The following PTPRQ variants were observed in gnomAD, a reference collection of about 807,000 sequenced individuals.
The protein encoded by PTPRQ is protein tyrosine phosphatase receptor type Q.
In PTPRQ, 199 loss-of-function variants were observed where a neutral mutation model predicts 246.0. The observed-to-expected ratio is 0.81, with a 90% confidence interval of 0.72 to 0.91. PTPRQ has a LOEUF of 0.91. Among genes scored for constraint, PTPRQ ranks in the 40% least tolerant of loss-of-function variants. The pLI is 0.00. For synonymous variants in PTPRQ, 869 were observed against 853.2 expected, an observed-to-expected ratio of 1.02 and a Z score of -0.32; for missense variants, 2,624 against 2,528.4, an observed-to-expected ratio of 1.04 and a Z score of -0.81.
chr12:80,591,982 A>G (rs144216843), intron 26 of PTPRQ, among the ~76,000 whole-genome samples: 2 of 152,342 alleles, frequency 1.3e-5, no homozygotes, highest in Non-Finnish European at 2.9e-5. Context: ...TGATCAGTTC[A>G]GAAGTTGGTA....
Position 80,658,027 on chromosome 12 carries a change from C to A in PTPRQ, c.6158C>A (p.Pro2053Gln). Residue 2053 changes from proline to glutamine, a missense_variant, in exon 39 of 45, where the codon CCA (proline) becomes CAA (glutamine). Transcript: ENST00000644991. ...RVKLIADASV[P>Q]GSDYINASYI... ...AAGCTGATAGCTGACGCTAGTGTTCCAGGTTCGGATTATATTAATGCCAGC... is the reference window on the plus strand; with the variant it reads ...AAGCTGATAGCTGACGCTAGTGTTCAAGGTTCGGATTATATTAATGCCAGC... 6.9e-7 allele frequency: 1 copy of A among 1,439,116 alleles called. No individual in the cohort carries two copies. The highest frequency in any genetic ancestry group is 9.1e-7 in the Non-Finnish European group (1 of 1,092,916). 89.1% of individuals were successfully genotyped at this position (1,439,116 alleles called of 1,614,324 possible).
intron 25 of PTPRQ, among the ~76,000 whole-genome samples, chr12:80,556,064 G>A (rs1462626236): frequency 1.3e-5 from 2 of 152,130 alleles, no homozygotes; most frequent in Admixed American, 6.5e-5. Flanking sequence ...GTCTTGCTCT[G>A]TTGTCCAGGT....
intron 17 of PTPRQ, among the ~76,000 whole-genome samples, chr12:80,517,875 G>C (rs1433646659): frequency 1.3e-5 from 2 of 152,064 alleles, no homozygotes; most frequent in African/African-American, 4.8e-5. Context: ...TCTTTATCGA[G>C]TCAACCATTG....
chr12:80,639,586 C>T (rs1463545269), intron 35 of PTPRQ, among the ~76,000 whole-genome samples: 1 of 152,104 alleles, frequency 6.6e-6, no homozygotes, highest in African/African-American at 2.4e-5. Flanking sequence ...AAGTCTTCTT[C>T]AATAATTTTC....
At position 80,472,061 on chromosome 12, in the gene PTPRQ, C is replaced by T. The variant is rs73345986; in HGVS notation, c.1040-44C>T. 2.3e-3 allele frequency: 3,582 copies of T among 1,548,982 alleles called. 85 individuals are homozygous for T. The African/African-American group carries it at 0.042, about 18-fold the overall frequency. ...GTACTTAAATGTGAACATGATTGCA[C>T]GCTTGATAAAAAATAATCCATAGCT... On this transcript the variant is annotated intron_variant, in intron 7 of 44. Transcript: ENST00000644991.
chr12:80,555,336 G>A (rs541819745), intron 25 of PTPRQ, among the ~76,000 whole-genome samples: 1 of 152,222 alleles, frequency 6.6e-6, no homozygotes, highest in South Asian at 2.1e-4. Context: ...TGGGATTACA[G>A]GCATGAGCCA....
intron 17 of PTPRQ, among the ~76,000 whole-genome samples, chr12:80,531,483 G>A (rs1895841783): frequency 6.6e-6 from 1 of 152,128 alleles, no homozygotes; most frequent in African/African-American, 2.4e-5. Context: ...TTTGCTCAAA[G>A]GGAGTGAACA....
Position 80,534,192 on chromosome 12 carries a change from T to C in PTPRQ, c.2839+17T>C. The C allele has an allele frequency of 1.4e-6, 2 of 1,463,232 alleles. No individual in the cohort carries two copies. Among genetic ancestry groups the C allele is most frequent in the East Asian group, 5.2e-5 (2 of 38,308 alleles). The allele number at this position is 1,463,232 out of a possible 1,614,324, so 90.6% of individuals were successfully genotyped here. A position where few individuals can be genotyped will look rare whatever the true frequency, so the allele number is the denominator to read the frequency against. The stretch of plus-strand genomic sequence containing the variant: ...CAGAGGGAGGTGAGTTAAGGATGTA[T>C]GCCAATTAAAAGAATGTTCTTTTTC... On this transcript the variant is annotated intron_variant, in intron 18 of 44. Coordinates refer to ENST00000644991, the MANE Select transcript of PTPRQ (RefSeq NM_001145026.2).
At chr12:80,635,231 C>T (rs957237664) in intron 35 of PTPRQ, among the ~76,000 whole-genome samples, 158 bp downstream of exon 35, 1 of 152,214 alleles carries the variant, frequency 6.6e-6, no homozygotes, top group Non-Finnish European at 1.5e-5. Context: ...ACACTTCTCA[C>T]TGCTGTTCAG....
intron 14 of PTPRQ, among the ~76,000 whole-genome samples, chr12:80,500,046 C>T (rs369992931): frequency 4.9e-4 from 75 of 151,994 alleles, no homozygotes; most frequent in African/African-American, 1.3e-3. Context: ...TAGATGTTGA[C>T]CAAAATTTTG....
intron 8 of PTPRQ, among the ~76,000 whole-genome samples, chr12:80,475,326 TTTTGAAG>T (rs1335282858): frequency 1.2e-4 from 18 of 152,220 alleles, no homozygotes; most frequent in African/African-American, 4.3e-4. Context: ...GCAGCATTAA[TTTTGAAG>T]TTGGAGAAAA....
At chr12:80,526,623 C>G (rs139823640) in intron 17 of PTPRQ, among the ~76,000 whole-genome samples, 1 of 152,024 alleles carries the variant, frequency 6.6e-6, no homozygotes, top group Non-Finnish European at 1.5e-5. Context: ...TTTAGAGGAA[C>G]TGAAGAACAG....
intron 3 of PTPRQ, among the ~76,000 whole-genome samples, chr12:80,456,652 T>G (rs1289051952): frequency 1.3e-5 from 2 of 152,150 alleles, no homozygotes; most frequent in African/African-American, 4.8e-5. Context: ...GGGAAGCCCT[T>G]ACTCTCCGTT....
chr12:80,501,234 A>C (rs1894790175), intron 14 of PTPRQ, among the ~76,000 whole-genome samples: 1 of 151,910 alleles, frequency 6.6e-6, no homozygotes, highest in African/African-American at 2.4e-5. Context: ...GTTTAATTTT[A>C]ATGAGGAGCT....
chr12:80,621,018 T>C (rs1898964410), intron 32 of PTPRQ, among the ~76,000 whole-genome samples: 1 of 151,910 alleles, frequency 6.6e-6, no homozygotes, highest in South Asian at 2.1e-4. Flanking sequence ...TTTAAAAGAA[T>C]CATCTTATCC....
chr12:80,532,997 A>C (rs1393463879), intron 17 of PTPRQ, among the ~76,000 whole-genome samples: 5 of 152,194 alleles, frequency 3.3e-5, no homozygotes, highest in Admixed American at 3.3e-4. Flanking sequence ...TGGTAAAGAA[A>C]GAGCTTTTTC....
intron 7 of PTPRQ, among the ~76,000 whole-genome samples, chr12:80,471,402 T>G (rs1044448370): frequency 9.3e-5 from 14 of 149,868 alleles, no homozygotes; most frequent in Non-Finnish European, 1.6e-4. Context: ...GACTAAGGAA[T>G]TTTGTTCAGA....
chr12:80,469,702 T>A (rs931053516), intron 7 of PTPRQ, among the ~76,000 whole-genome samples: 19 of 152,192 alleles, frequency 1.2e-4, no homozygotes, highest in Non-Finnish European at 2.6e-4. Context: ...CTCCTAAAAT[T>A]CTGAAATACT....
intron 37 of PTPRQ, among the ~76,000 whole-genome samples, chr12:80,650,326 TA>T (rs1900216577): frequency 6.6e-6 from 1 of 151,476 alleles, no homozygotes; most frequent in Non-Finnish European, 1.5e-5. Context: ...GTTTTTTTTT[TA>T]ACATTTTGTA....
Sources: allele counts gnomAD v4.1 joint callset (sites outside exome capture counted in the v4.1 genomes callset), GRCh38; gene constraint gnomAD v4.1.1; transcripts MANE v1.5; gene names NCBI Gene and HGNC (gene_info 2026-07-23, HGNC 2026-07-21).